The following C12orf42 variants were observed in gnomAD, a reference collection of about 807,000 sequenced individuals.
The protein encoded by C12orf42 is uncharacterized protein C12orf42.
In C12orf42, 25 loss-of-function variants were observed where a neutral mutation model predicts 21.6. The ratio of observed to expected loss-of-function variants is 1.16; its 90% CI spans 0.84 to 1.62. The LOEUF (loss-of-function observed/expected upper bound fraction) is 1.62. Ranked by LOEUF, C12orf42 falls within the 40% of genes most tolerant of loss-of-function variation. C12orf42 has a pLI of 0.00. For missense variants in C12orf42, 483 were observed against 459.3 expected (o/e 1.05, Z -0.47); for synonymous variants, 174 against 175.0 (o/e 0.99, Z 0.05).
At chr12:103,219,137 T>C in the C12orf42 span, among the ~76,000 whole-genome samples, 8 of 152,224 alleles carry the variant, frequency 5.3e-5, no homozygotes, top group Non-Finnish European at 5.9e-5. Flanking sequence ...CCCACTCCCA[T>C]GGAGGTCTTG....
chr12:103,222,428 T>G, the C12orf42 span, among the ~76,000 whole-genome samples: 1 of 152,154 alleles, frequency 6.6e-6, no homozygotes, highest in South Asian at 2.1e-4. Flanking sequence ...ACACTTCTTT[T>G]GTAGTGGAAT....
chr12:103,147,668 A>T, the C12orf42 span, among the ~76,000 whole-genome samples: 1 of 139,150 alleles, frequency 7.2e-6, no homozygotes, highest in Admixed American at 7.7e-5. Flanking sequence ...ACTACTACAC[A>T]AAGTTTGCTC....
rs1433997903 is a variant in C12orf42 at position 103,301,997 on chromosome 12, A to G, written c.*111T>C. On this transcript the variant is annotated 3_prime_UTR_variant, in exon 6 of 6. Transcript: ENST00000548883. ...ATTAGGTTCAAAAATGCTTCACAAA[A>G]GCCTAACAATGGTTCTGTGGAAACC... is the stretch of plus-strand genomic sequence containing the variant. The G allele has an allele frequency of 1.6e-6, 2 of 1,233,676 alleles. No individual in the cohort carries two copies. The highest frequency in any genetic ancestry group is 2.3e-6 in the Non-Finnish European group (2 of 885,280). 76.4% of individuals were successfully genotyped at this position (1,233,676 alleles called of 1,614,324 possible). A position where few individuals can be genotyped will look rare whatever the true frequency, so the allele number is the denominator to read the frequency against.
intron 5 of C12orf42, among the ~76,000 whole-genome samples, chr12:103,270,733 C>T (rs2035425176): frequency 7.0e-6 from 1 of 143,450 alleles, no homozygotes; most frequent in Non-Finnish European, 1.6e-5. Context: ...CCCCCCTCCC[C>T]CTACCCCACA....
At chr12:103,480,676 A>G (rs1258553418) in intron 1 of C12orf42, among the ~76,000 whole-genome samples, 3 of 151,430 alleles carry the variant, frequency 2.0e-5, no homozygotes, top group Admixed American at 6.6e-5. Context: ...TCGTTAACCC[A>G]TATGTTGTTT....
intron 4 of C12orf42, among the ~76,000 whole-genome samples, chr12:103,295,449 G>A (rs936003085): frequency 3.3e-5 from 5 of 151,848 alleles, no homozygotes; most frequent in Middle Eastern, 6.8e-3. Context: ...CTTTGAATAA[G>A]ACATTGTACT....
chr12:103,170,866 C>T, the C12orf42 span, among the ~76,000 whole-genome samples: 2 of 152,108 alleles, frequency 1.3e-5, no homozygotes, highest in Non-Finnish European at 2.9e-5. Flanking sequence ...ATTTTAGAGC[C>T]TCGTGATATC....
chr12:103,371,338 G>A (rs771255524), intron 3 of C12orf42, among the ~76,000 whole-genome samples: 16 of 152,098 alleles, frequency 1.1e-4, no homozygotes, highest in Admixed American at 1.0e-3. Context: ...AGGCAGAGAC[G>A]GAAGCTTAAG....
At chr12:103,373,532 T>A (rs2045441407) in intron 3 of C12orf42, among the ~76,000 whole-genome samples, 1 of 152,176 alleles carries the variant, frequency 6.6e-6, no homozygotes, top group Non-Finnish European at 1.5e-5. Context: ...AATGAAGGCA[T>A]ATTTTCTTTC....
chr12:103,056,962 A>G, the C12orf42 span, among the ~76,000 whole-genome samples: 1 of 152,126 alleles, frequency 6.6e-6, no homozygotes, highest in South Asian at 2.1e-4. Context: ...AATTGTTTTC[A>G]ACTAATTCTA....
At chr12:103,533,511 C>T in the C12orf42 span, among the ~76,000 whole-genome samples, 3 of 152,178 alleles carry the variant, frequency 2.0e-5, no homozygotes, top group Admixed American at 1.3e-4. Flanking sequence ...AACAGTAAAA[C>T]TGCCATGCCA....
chr12:103,187,506 G>A, the C12orf42 span, among the ~76,000 whole-genome samples: 4 of 152,290 alleles, frequency 2.6e-5, no homozygotes, highest in East Asian at 1.9e-4. Flanking sequence ...TTCTTGATAG[G>A]AAGACATGAT....
intron 4 of C12orf42, among the ~76,000 whole-genome samples, chr12:103,279,720 T>C (rs975095234): frequency 1.3e-5 from 2 of 152,230 alleles, no homozygotes; most frequent in Admixed American, 1.3e-4. Flanking sequence ...CCTGAAACGC[T>C]AGCTTGAAAT....
the C12orf42 span, among the ~76,000 whole-genome samples, chr12:103,149,300 T>C: frequency 1.3e-5 from 2 of 152,228 alleles, no homozygotes; most frequent in East Asian, 3.8e-4. Context: ...GAACATTGTA[T>C]GATAAAGGTT....
intron 2 of C12orf42, among the ~76,000 whole-genome samples, chr12:103,436,527 C>T (rs2139448925): frequency 6.6e-6 from 1 of 150,656 alleles, no homozygotes; most frequent in Non-Finnish European, 1.5e-5. Context: ...CAGAGACACA[C>T]ATAGGCTCAA....
At chr12:103,144,227 A>AG in the C12orf42 span, among the ~76,000 whole-genome samples, 1 of 152,172 alleles carries the variant, frequency 6.6e-6, no homozygotes, top group Non-Finnish European at 1.5e-5. Flanking sequence ...TTCTGTTAAT[A>AG]GAAAAAAAGA....
At chr12:103,401,978 A>G (rs925119192) in intron 2 of C12orf42, among the ~76,000 whole-genome samples, 4 of 152,188 alleles carry the variant, frequency 2.6e-5, no homozygotes, top group Non-Finnish European at 4.4e-5. Flanking sequence ...GAGATGAAGT[A>G]TTTTGAAAAT....
chr12:103,325,738 A>G (rs535060289), intron 4 of C12orf42, among the ~76,000 whole-genome samples: 2 of 152,322 alleles, frequency 1.3e-5, no homozygotes, highest in East Asian at 1.9e-4. Context: ...GCACTGTGAC[A>G]TTGCCCCATA....
the C12orf42 span, among the ~76,000 whole-genome samples, chr12:103,063,706 C>T: frequency 6.6e-6 from 1 of 152,316 alleles, no homozygotes; most frequent in South Asian, 2.1e-4. Context: ...AGACCTACAA[C>T]TAGACTAAAG....
Sources: allele counts gnomAD v4.1 joint callset (sites outside exome capture counted in the v4.1 genomes callset), GRCh38; gene constraint gnomAD v4.1.1; transcripts MANE v1.5; gene names NCBI Gene and HGNC (gene_info 2026-07-23, HGNC 2026-07-21).